ARHGAP6: variants seen among roughly 807,000 people sequenced by gnomAD.
ARHGAP6 encodes rho GTPase-activating protein 6.
ARHGAP6 carries 16 observed loss-of-function variants against 55.7 expected under a neutral mutation model. The ratio of observed to expected loss-of-function variants is 0.29; its 90% CI spans 0.19 to 0.44. The LOEUF (loss-of-function observed/expected upper bound fraction) is 0.44. Ranked by LOEUF, ARHGAP6 falls within the 20% of genes least tolerant of loss-of-function variation. The pLI is 1.00. For synonymous variants in ARHGAP6, 382 were observed against 360.9 expected, an observed-to-expected ratio of 1.06 and a Z score of -0.66; for missense variants, 698 against 808.9, an observed-to-expected ratio of 0.86 and a Z score of 1.66.
chrX:11,537,440 C>A (rs774280156), intron 1 of ARHGAP6, among the ~76,000 whole-genome samples: 8 of 112,349 alleles, frequency 7.1e-5, no homozygotes, highest in Non-Finnish European at 1.1e-4. Flanking sequence ...AACTCCAAAT[C>A]AGACACTGGA....
intron 1 of ARHGAP6, chrX:11,427,820 AGGAGGAGG>A: frequency 5.8e-6 from 1 of 171,089 alleles, no homozygotes; most frequent in African/African-American, 2.1e-4. Context: ...GGGGAAGAGG[AGGAGGAGG>A]AGGAGGAGGA....
intron 9 of ARHGAP6, among the ~76,000 whole-genome samples, chrX:11,159,154 G>A (rs2045905441): frequency 9.0e-6 from 1 of 111,341 alleles, no homozygotes; most frequent in Non-Finnish European, 1.9e-5. Flanking sequence ...AAGAGAGTAG[G>A]AAAGGAGGCG....
At chrX:11,277,646 T>C (rs1183053932) in intron 1 of ARHGAP6, among the ~76,000 whole-genome samples, 1 of 111,015 alleles carries the variant, frequency 9.0e-6, no homozygotes, top group Non-Finnish European at 1.9e-5. Context: ...TCTTTTGCTT[T>C]TTACAGTCTG....
chrX:11,408,886 GATC>G (rs1178786938), intron 1 of ARHGAP6, among the ~76,000 whole-genome samples: 1 of 108,773 alleles, frequency 9.2e-6, no homozygotes, highest in Non-Finnish European at 1.9e-5. Flanking sequence ...TGAGGAAATT[GATC>G]ATCACACACA....
At position 11,373,998 on chromosome X, in the gene ARHGAP6, T is replaced by C. The variant is rs140126463; in HGVS notation, c.589-119291A>G. Among the ~76,000 whole-genome samples, 4 of 111,661 alleles carry C rather than the reference T, an allele frequency of 3.6e-5. No homozygotes were observed. In the East Asian group the frequency reaches 1.1e-3, roughly 31 times the overall value. On this transcript the variant is annotated intron_variant, in intron 1 of 12. Coordinates refer to ENST00000337414, the MANE Select transcript of ARHGAP6 (RefSeq NM_013427.3). Reference sequence around the variant, plus strand: ...AGCAATTATCAGCCTTTTGACTATATAACATAAAATAAAATAATCAAGACC... The same window carrying C: ...AGCAATTATCAGCCTTTTGACTATACAACATAAAATAAAATAATCAAGACC...
At chrX:11,276,440 T>C (rs780626606) in intron 1 of ARHGAP6, among the ~76,000 whole-genome samples, 5 of 112,189 alleles carry the variant, frequency 4.5e-5, no homozygotes, top group Non-Finnish European at 3.8e-5. Context: ...TCTATTAGCA[T>C]GGAAACAAGA....
intron 1 of ARHGAP6, among the ~76,000 whole-genome samples, chrX:11,661,738 A>G (rs773039077): frequency 4.4e-4 from 49 of 112,363 alleles, no homozygotes; most frequent in African/African-American, 1.5e-3. Context: ...GCGCCAACAA[A>G]GTTTAGGCCA....
At chrX:11,372,980 G>A (rs1170314624) in intron 1 of ARHGAP6, among the ~76,000 whole-genome samples, 3 of 108,830 alleles carry the variant, frequency 2.8e-5, no homozygotes, top group African/African-American at 1.0e-4. Context: ...CTTGCCATAT[G>A]TAAATATTGA....
rs752942478 is a variant in ARHGAP6, at chrX:11,138,447, AT to A, written c.*415del. 594 of 133,433 alleles carry A rather than the reference AT, an allele frequency of 4.5e-3. 2 individuals are homozygous for A. The highest frequency in any genetic ancestry group is 0.012 in the African/African-American group (379 of 30,618). 11.0% of individuals were successfully genotyped at this position (133,433 alleles called of 1,213,427 possible). On this transcript the variant is annotated 3_prime_UTR_variant, in exon 13 of 13. Transcript: ENST00000337414. Reference sequence around the variant, plus strand: ...CTCATTGCTTAATATAAGTGAAGTGATTTTTTTTTTAAAAGTTCCTTTTGTT... The same window carrying A: ...CTCATTGCTTAATATAAGTGAAGTGATTTTTTTTTAAAAGTTCCTTTTGTT...
intron 1 of ARHGAP6, among the ~76,000 whole-genome samples, chrX:11,475,018 T>C (rs924928345): frequency 9.0e-6 from 1 of 111,403 alleles, no homozygotes; most frequent in Admixed American, 9.6e-5. Context: ...AGTACTTTTA[T>C]AGCCTGAAGA....
At chrX:11,346,890 A>G in intron 1 of ARHGAP6, among the ~76,000 whole-genome samples, 1 of 111,139 alleles carries the variant, frequency 9.0e-6, no homozygotes, top group Non-Finnish European at 1.9e-5. Context: ...AAACAATTAT[A>G]AAGACCCAAA....
chrX:11,630,874 A>G (rs1450879243), intron 1 of ARHGAP6, among the ~76,000 whole-genome samples: 2 of 112,217 alleles, frequency 1.8e-5, no homozygotes, highest in Non-Finnish European at 3.8e-5. Flanking sequence ...TATGAATAGC[A>G]TCACCTTTTT....
chrX:11,589,858 C>T (rs1487545396), intron 1 of ARHGAP6, among the ~76,000 whole-genome samples: 2 of 112,090 alleles, frequency 1.8e-5, no homozygotes, highest in Non-Finnish European at 3.8e-5. Context: ...TACTTTATCG[C>T]TAGCTTATGA....
chrX:11,447,204 A>G (rs1481410849), intron 1 of ARHGAP6, among the ~76,000 whole-genome samples: 1 of 112,142 alleles, frequency 8.9e-6, no homozygotes, highest in Non-Finnish European at 1.9e-5. Flanking sequence ...CTACATCAGA[A>G]TATCGTGACC....
chrX:11,392,962 A>G (rs1332192537), intron 1 of ARHGAP6, among the ~76,000 whole-genome samples: 1 of 111,689 alleles, frequency 9.0e-6, no homozygotes, highest in Non-Finnish European at 1.9e-5. Context: ...TCTCCATGTG[A>G]TTTTTAATGG....
At chrX:11,639,891 G>C (rs1263764858) in intron 1 of ARHGAP6, among the ~76,000 whole-genome samples, 1 of 111,054 alleles carries the variant, frequency 9.0e-6, no homozygotes, top group Non-Finnish European at 1.9e-5. Flanking sequence ...AAGTAGATCA[G>C]AACCATACTT....
chrX:11,618,445 T>C (rs1441160368), intron 1 of ARHGAP6, among the ~76,000 whole-genome samples: 2 of 112,213 alleles, frequency 1.8e-5, no homozygotes, highest in Non-Finnish European at 3.8e-5. Context: ...TTTTAGTAAG[T>C]AGAAATCTAT....
intron 1 of ARHGAP6, among the ~76,000 whole-genome samples, chrX:11,424,161 T>C (rs1387237091): frequency 8.9e-6 from 1 of 112,232 alleles, no homozygotes. Flanking sequence ...CTATCCTCAT[T>C]GTCTAAATGA....
At chrX:11,661,004 T>C (rs2052696531) in intron 1 of ARHGAP6, among the ~76,000 whole-genome samples, 1 of 111,952 alleles carries the variant, frequency 8.9e-6, no homozygotes, top group East Asian at 2.8e-4. Flanking sequence ...CCTCTCTGCA[T>C]TCCTAGTACC....
Sources: gnomAD v4.1 joint callset for allele counts (sites outside exome capture counted in the v4.1 genomes callset) on GRCh38, gnomAD v4.1.1 for gene constraint, MANE v1.5 for transcripts, NCBI Gene and HGNC (gene_info 2026-07-23, HGNC 2026-07-21) for gene names.